FAN1: variants seen among roughly 807,000 people sequenced by gnomAD.
FAN1 encodes FANCD2 and FANCI associated nuclease 1.
A neutral mutation model predicts 104.9 loss-of-function variants in FAN1; 91 were observed. That is an observed-to-expected ratio of 0.87 (90% CI 0.73 to 1.03). The LOEUF (loss-of-function observed/expected upper bound fraction) is 1.03. FAN1 is among the 50% of genes least tolerant of loss of function. FAN1 has a pLI of 0.00. For missense variants in FAN1, 1,263 were observed against 1,239.9 expected (o/e 1.02, Z -0.28); for synonymous variants, 478 against 457.6 (o/e 1.04, Z -0.57).
At position 30,914,509 on chromosome 15, in the gene FAN1, CACATG is replaced by C. The variant is rs2062162542; in HGVS notation, c.1811+419_1811+423del. 2.6e-5 allele frequency among the ~76,000 whole-genome samples: 4 copies of C among 152,252 alleles called. No homozygotes were observed. In the South Asian group the frequency reaches 8.3e-4, roughly 32 times the overall value. On this transcript the variant is annotated intron_variant, in intron 5 of 14. Transcript: ENST00000362065. ...CCTCCCAAGTAGCTGGGACCACAGGCACATGCCACCACACTCAGCTAATTTTTGTA... is the reference window on the plus strand; with the variant it reads ...CCTCCCAAGTAGCTGGGACCACAGGCCCACCACACTCAGCTAATTTTTGTA...
At chr15:30,926,729 A>T (rs889482727) in intron 10 of FAN1, 1 of 985,336 alleles carries the variant, frequency 1.0e-6, no homozygotes, top group Non-Finnish European at 1.2e-6. Context: ...GAGACGTGGA[A>T]ACTGGACACT....
intron 10 of FAN1, chr15:30,927,402 A>T: frequency 1.0e-6 from 1 of 985,580 alleles, no homozygotes; most frequent in Non-Finnish European, 1.2e-6. Flanking sequence ...GTCCTGAGTG[A>T]ACCGCTGTCC....
chr15:30,905,941 T>C (rs1177756632), intron 2 of FAN1, 44 bp downstream of exon 2: 2 of 1,556,028 alleles, frequency 1.3e-6, no homozygotes, highest in Non-Finnish European at 1.7e-6. Context: ...ATTCCCCTTT[T>C]GCTGCTCTGA....
rs747876661 is a variant in FAN1, at chr15:30,937,222, T to C, written c.3020T>C (p.Val1007Ala). The change falls in exon 14 of 15, where the codon GTT (valine) becomes GCT (alanine). Residue 1007 changes from valine to alanine, a missense_variant. Physicochemically the swap from Val to Ala is moderately conservative, Grantham distance 64. Transcript: ENST00000362065. ...GCTGAAGTAGAAGTCTGCCATGTGG[T>C]TGCAGTTGGAGCTAAGAGCCAAAGC... ...LGAEVEVCHVVAVGAKSQSLS is the reference protein window; with the variant it reads ...LGAEVEVCHVAAVGAKSQSLS 4.3e-6 allele frequency: 7 copies of C among 1,613,968 alleles called. No individual in the cohort carries two copies. Among genetic ancestry groups the C allele is most frequent in the African/African-American group, 2.7e-5 (2 of 74,912 alleles).
intron 9 of FAN1, 131 bp from the exon 10 acceptor site, chr15:30,925,658 C>A: frequency 2.0e-6 from 2 of 1,025,484 alleles, no homozygotes; most frequent in Non-Finnish European, 2.9e-6. Flanking sequence ...CGTGTGTGAG[C>A]CCCACGCTGT....
Position 30,942,022 on chromosome 15 carries a change from T to G in FAN1, c.*460T>G. The G allele has an allele frequency of 6.2e-7, 1 of 1,613,998 alleles. No homozygotes were observed. Among genetic ancestry groups the G allele is most frequent in the South Asian group, 1.1e-5 (1 of 91,082 alleles). On this transcript the variant is annotated 3_prime_UTR_variant, in exon 15 of 15. Transcript: ENST00000362065. The stretch of plus-strand genomic sequence containing the variant: ...GAAGTAATTCTTGGTCACTGATGAT[T>G]CCATTCTTTAAGGCAGACGGCATTC...
In FAN1 at chr15:30,925,422, G is replaced by A. The variant is rs181491770; in HGVS notation, c.2337+131G>A. On this transcript the variant is annotated intron_variant, in intron 9 of 14. Coordinates refer to ENST00000362065, the MANE Select transcript of FAN1 (RefSeq NM_014967.5). ...TCGGAATAATCTAAAACTCGTTTTG[G>A]ACGGCTGTGTGGCCATTGCTCCCAG... 739 of 917,462 alleles carry A rather than the reference G, an allele frequency of 8.1e-4. 4 individuals carry two copies. In the African/African-American group the frequency reaches 0.011, roughly 13 times the overall value. The allele number at this position is 917,462 out of a possible 1,614,324, so 56.8% of individuals were successfully genotyped here. A position where few individuals can be genotyped will look rare whatever the true frequency, so the allele number is the denominator to read the frequency against.
In FAN1 at chr15:30,910,741, C is replaced by T. The variant is rs568635263; in HGVS notation, c.1503C>T (p.Leu501=). The T allele has an allele frequency of 1.1e-5, 18 of 1,614,096 alleles. No individual in the cohort carries two copies. The South Asian group carries it at 1.3e-4, about 12-fold the overall frequency. ...GQKQQLVDAF[L]KLAKQRSVCT... ...AACAGCAGCTGGTGGACGCCTTTCTCAAATTGGCCAAACAGCGTTCAGTCT... is the reference window on the plus strand; with the variant it reads ...AACAGCAGCTGGTGGACGCCTTTCTTAAATTGGCCAAACAGCGTTCAGTCT... Residue 501 remains leucine, a synonymous_variant, in exon 4 of 15, where the codon CTC becomes CTT. Transcript: ENST00000362065.
rs565079341 is a variant in FAN1 at position 30,927,351 on chromosome 15, A to G, written c.2489-1202A>G. ...GCTGGGAAAGAGCATGAAGTGTTCTAGGAAGAAAAGTCCTCCTGGAAGACT... is the reference window on the plus strand; with the variant it reads ...GCTGGGAAAGAGCATGAAGTGTTCTGGGAAGAAAAGTCCTCCTGGAAGACT... On this transcript the variant is annotated intron_variant, in intron 10 of 14. Transcript: ENST00000362065. 3 of 985,514 alleles carry G rather than the reference A, an allele frequency of 3.0e-6. No individual in the cohort carries two copies. The African/African-American group carries it at 5.2e-5, about 17-fold the overall frequency. 61.0% of individuals were successfully genotyped at this position (985,514 alleles called of 1,614,324 possible).
At chr15:30,927,850 C>G in intron 10 of FAN1, 3 of 985,618 alleles carry the variant, frequency 3.0e-6, no homozygotes, top group South Asian at 4.7e-5. Context: ...CCCCCTCATC[C>G]CACACCAGAC....
chr15:30,925,887 C>G lies in FAN1; in HGVS notation c.2436C>G (p.Cys812Trp). ...CCGCTGACCCCACCACGGTCCTGTG[C>G]TCTGTGGAGGAGCTGGCACTGGCCC... Reference protein sequence around the residue: ...GEAADPTTVLCSVEELALAHY... With the variant: ...GEAADPTTVLWSVEELALAHY... Residue 812 changes from cysteine to tryptophan, a missense_variant, in exon 10 of 15, where the codon TGC becomes TGG. This residue lies in a region of FAN1 where 581 missense variants were observed against 668.8 expected (regional missense o/e 0.87). Transcript: ENST00000362065. 4 of 1,614,208 alleles carry G rather than the reference C, an allele frequency of 2.5e-6. No homozygotes were observed. The highest frequency in any genetic ancestry group is 3.4e-6 in the Non-Finnish European group (4 of 1,180,026).
At chr15:30,940,971 C>G (rs867561652) in intron 14 of FAN1, 2 of 1,096,604 alleles carry the variant, frequency 1.8e-6, no homozygotes, top group African/African-American at 3.4e-5. Context: ...ATCATAAATT[C>G]TGGCCCCAGA....
chr15:30,905,435 T>A lies in FAN1; in HGVS notation c.772T>A (p.Ser258Thr), dbSNP rs762225193. 1.2e-6 allele frequency: 2 copies of A among 1,614,130 alleles called. No individual in the cohort carries two copies. The highest frequency in any genetic ancestry group is 8.5e-7 in the Non-Finnish European group (1 of 1,179,998). Residue 258 changes from serine (S) to threonine (T), a missense_variant, in exon 2 of 15, where the codon TCA (serine) becomes ACA (threonine). Around this residue, in one of 2 missense-constraint regions of FAN1, gnomAD observed 682 missense variants for 571.1 expected, o/e 1.19. Transcript: ENST00000362065. ...CEKSALTPGF[S>T]DNAIMLFSPD... ...GAAATCAGCCCTCACCCCTGGATTC[T>A]CAGATAATGCGATCATGTTATTCTC...
chr15:30,912,329 T>C (rs553626486), intron 4 of FAN1, among the ~76,000 whole-genome samples: 4 of 152,326 alleles, frequency 2.6e-5, no homozygotes, highest in Admixed American at 1.3e-4. Context: ...TCTGCTGTTA[T>C]GATAAAGAAA....
chr15:30,920,623 G>A lies in FAN1; in HGVS notation c.2022G>A (p.Val674=). The change falls in exon 7 of 15, where the codon GTG becomes GTA. Residue 674 remains valine, a synonymous_variant. Transcript: ENST00000362065. ...WIYTRILSRF[V]EILQRLHMYE... ...ATACAAGGATTTTGTCTCGGTTTGT[G>A]GAAATACTGCAGAGACTTCACATGT... The A allele has an allele frequency of 1.2e-6, 2 of 1,611,176 alleles. No individual in the cohort carries two copies. Among genetic ancestry groups the A allele is most frequent in the Admixed American group, 1.7e-5 (1 of 59,746 alleles).
At chr15:30,918,081 A>G in intron 5 of FAN1, 83 bp from the exon 6 acceptor site, 5 of 1,372,942 alleles carry the variant, frequency 3.6e-6, no homozygotes, top group East Asian at 2.3e-5. Context: ...TTTACCTTTC[A>G]GAGTGAGATC....
At chr15:30,929,135 G>A in intron 11 of FAN1, 68 bp from the exon 12 acceptor site, 1 of 1,408,252 alleles carries the variant, frequency 7.1e-7, no homozygotes, top group South Asian at 1.2e-5. Flanking sequence ...TGTATGTACT[G>A]ACTAGTCCTC....
rs957900701 is a variant in FAN1 at position 30,942,201 on chromosome 15, C to T, written c.*639C>T. On this transcript the variant is annotated 3_prime_UTR_variant, in exon 15 of 15. Transcript: ENST00000362065. Reference sequence around the variant, plus strand: ...TTCAGCCTCAAAGAACATTTTCCTCCCTTCCTTTGTGTCCTTATTCTAATC... The same window carrying T: ...TTCAGCCTCAAAGAACATTTTCCTCTCTTCCTTTGTGTCCTTATTCTAATC... The T allele has an allele frequency of 1.9e-4, 219 of 1,161,146 alleles. No individual in the cohort carries two copies. The highest frequency in any genetic ancestry group is 8.2e-4 in the Middle Eastern group (3 of 3,640). The allele number at this position is 1,161,146 out of a possible 1,614,324, so 71.9% of individuals were successfully genotyped here.
At position 30,918,244 on chromosome 15, in the gene FAN1, C is replaced by T; in HGVS notation, c.1892C>T (p.Ala631Val). Reference protein sequence around the residue: ...NGNWEEAKELAQCAKRDWNRL... With the variant: ...NGNWEEAKELVQCAKRDWNRL... Reference sequence around the variant, plus strand: ...AACTGGGAAGAAGCTAAGGAGCTCGCTCAGTGTGCAAAAAGGGATTGGAAC... The same window carrying T: ...AACTGGGAAGAAGCTAAGGAGCTCGTTCAGTGTGCAAAAAGGGATTGGAAC... The change falls in exon 6 of 15, where the codon GCT (alanine) becomes GTT (valine). Residue 631 changes from alanine (A) to valine (V), a missense_variant. Physicochemically the swap from Ala to Val is moderately conservative, Grantham distance 64. Around this residue, in one of 2 missense-constraint regions of FAN1, gnomAD observed 581 missense variants for 668.8 expected, o/e 0.87. Transcript: ENST00000362065. 6.2e-7 allele frequency: 1 copy of T among 1,614,072 alleles called. No individual in the cohort carries two copies. Among genetic ancestry groups the T allele is most frequent in the Non-Finnish European group, 8.5e-7 (1 of 1,180,000 alleles).
Sources: gnomAD v4.1 joint callset for allele counts (sites outside exome capture counted in the v4.1 genomes callset) on GRCh38, gnomAD v4.1.1 for gene constraint, gnomAD v4.1.1 regional missense constraint, MANE v1.5 for transcripts, NCBI Gene and HGNC (gene_info 2026-07-23, HGNC 2026-07-21) for gene names.